Variants in INTS15 observed in about 807,000 individuals in gnomAD.
The protein encoded by INTS15 is uncharacterized protein C7orf26.
the INTS15 span, among the ~76,000 whole-genome samples, chr7:6,607,059 C>T: frequency 3.3e-5 from 5 of 151,818 alleles, no homozygotes; most frequent in South Asian, 4.2e-4. The surrounding 1 kb of genome is among the most constrained non-coding windows in gnomAD (Gnocchi z 6.0). Context: ...TGACACAGAG[C>T]GGGGCAGCCC....
the INTS15 span, among the ~76,000 whole-genome samples, chr7:6,594,782 G>A: frequency 6.6e-6 from 1 of 152,070 alleles, no homozygotes; most frequent in African/African-American, 2.4e-5. Context: ...GTGCAGTGGT[G>A]TTATCTCAGC....
At chr7:6,608,170 G>C in the INTS15 span, 1 of 1,501,044 alleles carries the variant, frequency 6.7e-7, no homozygotes, top group African/African-American at 1.4e-5. Flanking sequence ...AGGCTGGCCC[G>C]TGTGTGCCTT....
chr7:6,600,780 C>A, the INTS15 span, among the ~76,000 whole-genome samples: 1 of 152,078 alleles, frequency 6.6e-6, no homozygotes, highest in Non-Finnish European at 1.5e-5. Flanking sequence ...GCATCAGCCT[C>A]CCGAAGAGCT....
the INTS15 span, chr7:6,602,348 A>T: frequency 3.7e-6 from 2 of 544,214 alleles, no homozygotes; most frequent in Non-Finnish European, 3.3e-6. Flanking sequence ...TCTGTGAGAG[A>T]GGCCAGTCCC....
At chr7:6,594,468 A>G in the INTS15 span, 1 of 1,614,144 alleles carries the variant, frequency 6.2e-7, no homozygotes, top group Non-Finnish European at 8.5e-7. Flanking sequence ...GAGGTTAGCC[A>G]AGGCCCTTGT....
chr7:6,607,942 T>C, the INTS15 span: 4 of 1,598,230 alleles, frequency 2.5e-6, no homozygotes, highest in African/African-American at 2.7e-5. This position sits in a 1 kb window ranked among gnomAD's most constrained non-coding sequence, Gnocchi z 6.0. Context: ...GCGCTGACGC[T>C]TATGCTTGTG....
At chr7:6,590,207 T>C in the INTS15 span, 3 of 1,299,874 alleles carry the variant, frequency 2.3e-6, no homozygotes, top group Non-Finnish European at 3.0e-6. Context: ...CCTCTTTGTT[T>C]CCACGGGTAG....
chr7:6,593,859 C>T, the INTS15 span, among the ~76,000 whole-genome samples: 4 of 151,478 alleles, frequency 2.6e-5, no homozygotes. Flanking sequence ...CTGTGTTGCC[C>T]AGGCTCATCT....
the INTS15 span, chr7:6,602,061 C>T: frequency 1.3e-6 from 2 of 1,584,346 alleles, no homozygotes; most frequent in Admixed American, 1.7e-5. Flanking sequence ...ACCGTGTTGT[C>T]TCCAGTATGT....
the INTS15 span, among the ~76,000 whole-genome samples, chr7:6,596,750 G>A: frequency 1.3e-5 from 2 of 151,950 alleles, no homozygotes; most frequent in Non-Finnish European, 1.5e-5. Flanking sequence ...GAACATGCAA[G>A]CGCGTGCATA....
the INTS15 span, chr7:6,608,071 G>GGCCCACCCCGCC: frequency 2.0e-6 from 3 of 1,523,564 alleles, no homozygotes; most frequent in Non-Finnish European, 2.7e-6. Context: ...GGGCTGTCCC[G>GGCCCACCCCGCC]GCCCACCCCG....
chr7:6,603,510 G>A, the INTS15 span, among the ~76,000 whole-genome samples: 8 of 151,942 alleles, frequency 5.3e-5, no homozygotes, highest in Non-Finnish European at 1.0e-4. Context: ...TCGTGCCACT[G>A]CACTCCATCC....
chr7:6,598,709 C>A, the INTS15 span, among the ~76,000 whole-genome samples: 3 of 137,918 alleles, frequency 2.2e-5, no homozygotes, highest in African/African-American at 8.4e-5. Flanking sequence ...AGCCAGGCTG[C>A]TGAGGTCAGA....
the INTS15 span, chr7:6,608,182 T>G: frequency 1.3e-6 from 2 of 1,545,036 alleles, no homozygotes; most frequent in Non-Finnish European, 1.7e-6. Flanking sequence ...GTGTGCCTTC[T>G]GCGCTCTCGC....
the INTS15 span, chr7:6,594,387 C>T: frequency 6.2e-7 from 1 of 1,601,330 alleles, no homozygotes; most frequent in African/African-American, 1.3e-5. Context: ...TGCTGGTCTA[C>T]TCACTCACGA....
At chr7:6,600,709 G>A in the INTS15 span, among the ~76,000 whole-genome samples, 2 of 152,044 alleles carry the variant, frequency 1.3e-5, no homozygotes, top group Admixed American at 1.3e-4. Flanking sequence ...CCAGACTGTA[G>A]TGCAGTGGCA....
At chr7:6,602,639 G>T in the INTS15 span, 3 of 470,028 alleles carry the variant, frequency 6.4e-6, no homozygotes, top group South Asian at 4.6e-5. Context: ...GTAAAATGGG[G>T]GTGATACTGT....
At chr7:6,590,103 C>CCGG in the INTS15 span, 3 of 408,966 alleles carry the variant, frequency 7.3e-6, no homozygotes, top group Admixed American at 1.4e-4. Flanking sequence ...CGCCTGCTGG[C>CCGG]CGGCGGCAGC....
chr7:6,600,083 A>T, the INTS15 span: 1 of 1,614,160 alleles, frequency 6.2e-7, no homozygotes, highest in Non-Finnish European at 8.5e-7. Context: ...GGGCGTGGGG[A>T]TGGACAGAGA....
Sources: gnomAD v4.1 joint callset for allele counts (sites outside exome capture counted in the v4.1 genomes callset) on GRCh38, gnomAD v4.1.1 for gene constraint, Gnocchi (gnomAD v3.1) non-coding constraint, MANE v1.5 for transcripts, NCBI Gene and HGNC (gene_info 2026-07-23, HGNC 2026-07-21) for gene names.